Variants in PRDM10 observed in about 807,000 individuals in gnomAD.
PRDM10 encodes the protein PR/SET domain 10, also known as PR domain zinc finger protein 10.
PRDM10 carries 65 observed loss-of-function variants against 133.1 expected under a neutral mutation model. The ratio of observed to expected loss-of-function variants is 0.49; its 90% CI spans 0.40 to 0.60. The LOEUF (loss-of-function observed/expected upper bound fraction) is 0.60, where lower values mean the gene tolerates loss of function less well. PRDM10 is among the 20% of genes least tolerant of loss of function. PRDM10 has a pLI of 0.00. For missense variants in PRDM10, 1,137 were observed against 1,507.1 expected, an observed-to-expected ratio of 0.75 and a Z score of 4.07; for synonymous variants, 582 against 580.4, an observed-to-expected ratio of 1.00 and a Z score of -0.04.
intron 1 of PRDM10, among the ~76,000 whole-genome samples, chr11:129,962,187 C>T (rs1951809917): frequency 6.6e-6 from 1 of 152,138 alleles, no homozygotes; most frequent in Non-Finnish European, 1.5e-5. Context: ...CTTATTCCTT[C>T]CCAAAACAGG....
intron 1 of PRDM10, among the ~76,000 whole-genome samples, chr11:130,002,120 C>G (rs1044456204): frequency 6.6e-6 from 1 of 150,558 alleles, no homozygotes; most frequent in Admixed American, 6.6e-5. Flanking sequence ...GAGCCCTGCC[C>G]GCACTGCCAC....
At chr11:129,971,190 C>G (rs1370683714) in intron 1 of PRDM10, among the ~76,000 whole-genome samples, 1 of 152,134 alleles carries the variant, frequency 6.6e-6, no homozygotes, top group African/African-American at 2.4e-5. Flanking sequence ...CCAGAAAGAG[C>G]AGTAGCAAAA....
At position 129,923,293 on chromosome 11, in the gene PRDM10, C is replaced by T. The variant is rs1297988847; in HGVS notation, c.1989G>A (p.Ser663=). The T allele has an allele frequency of 1.1e-5, 17 of 1,600,052 alleles. No homozygotes were observed. The highest frequency in any genetic ancestry group is 2.2e-5 in the East Asian group (1 of 44,568). The change falls in exon 13 of 21, where the codon TCG becomes TCA. Residue 663 remains serine, a synonymous_variant. Transcript: ENST00000360871. The surrounding 1 kb of genome is among the most constrained non-coding windows in gnomAD (Gnocchi z 4.4). ...TGGAACACAGGAAGTCTTTGCGGTC[C>T]GAATGCCGGAGCATGTGGAGTCGCA... ...DKLRLHMLRH[S]DRKDFLCSTC...
Position 130,002,395 on chromosome 11 carries a change from G to T in PRDM10, c.-119+327C>A, listed in dbSNP as rs1285432500. On this transcript the variant is annotated intron_variant, in intron 1 of 20. Coordinates refer to ENST00000360871, the MANE Select transcript of PRDM10 (RefSeq NM_199437.2). ...CGCCGAGGCCGGCGCTGAACGCGGCGCCAGGAGGGCCTGCTGGAGGGGGCC... is the reference window on the plus strand; with the variant it reads ...CGCCGAGGCCGGCGCTGAACGCGGCTCCAGGAGGGCCTGCTGGAGGGGGCC... Among the ~76,000 whole-genome samples, 7 of 152,220 alleles carry T rather than the reference G, an allele frequency of 4.6e-5. No homozygotes were observed. The East Asian group carries it at 1.4e-3, about 30-fold the overall frequency.
intron 5 of PRDM10, among the ~76,000 whole-genome samples, chr11:129,946,255 T>G (rs954038422): frequency 6.8e-6 from 1 of 147,136 alleles, no homozygotes; most frequent in Non-Finnish European, 1.5e-5. Flanking sequence ...GTCTCAAAAT[T>G]AAAGAAAAAA....
rs750114740 is a variant in PRDM10, at chr11:129,913,219, CAA to C, written c.2842-996_2842-995del. On this transcript the variant is annotated intron_variant, in intron 17 of 20. Transcript: ENST00000360871. ...GGTGACAATAGTGAGACCCTGTCTC[CAA>C]AAAAAAAAAAAAAAAAAAACCAAAA... Among the ~76,000 whole-genome samples the C allele has an allele frequency of 9.8e-3, 773 of 78,860 alleles. 2 individuals are homozygous for C. The highest frequency in any genetic ancestry group is 0.032 in the African/African-American group (639 of 20,022). 51.7% of individuals were successfully genotyped at this position (78,860 alleles called of 152,430 possible).
chr11:129,910,360 A>G, intron 19 of PRDM10, 116 bp downstream of exon 19: 3 of 1,378,106 alleles, frequency 2.2e-6, no homozygotes, highest in Non-Finnish European at 3.0e-6. Flanking sequence ...ATTCATAGAG[A>G]GTGTAAACAA....
At chr11:129,981,534 G>T (rs1240866021) in intron 1 of PRDM10, among the ~76,000 whole-genome samples, 1 of 152,044 alleles carries the variant, frequency 6.6e-6, no homozygotes, top group African/African-American at 2.4e-5. Flanking sequence ...CACCTTTTCA[G>T]ACACTGAAAG....
chr11:129,914,832 T>C lies in PRDM10; in HGVS notation c.2713A>G (p.Thr905Ala), dbSNP rs1285573433. The change falls in exon 17 of 21, where the codon ACC becomes GCC. Residue 905 changes from threonine (T) to alanine (A), a missense_variant. Thr to Ala is a moderately conservative substitution (Grantham distance 58). Transcript: ENST00000360871. ...LTQAMTELSQ[T>A]LTTDYRTPQG... ...GGCGTTCGGTAGTCTGTCGTTAAGG[T>C]CTGGGACAGTTCTGTCATTGCTTGG... is the stretch of plus-strand genomic sequence containing the variant. 1 of 1,614,124 alleles carries C rather than the reference T, an allele frequency of 6.2e-7. No homozygotes were observed.
Position 129,933,821 on chromosome 11 carries a change from C to T in PRDM10, c.1157+1280G>A, listed in dbSNP as rs530038614. 2.6e-5 allele frequency among the ~76,000 whole-genome samples: 4 copies of T among 152,278 alleles called. No homozygotes were observed. In the South Asian group the frequency reaches 8.3e-4, roughly 32 times the overall value. ...TGTCCACCCCCTCCTTAGACATTTA[C>T]CCCTGTGGTCACATTCTAGACCCTG... On this transcript the variant is annotated intron_variant, in intron 9 of 20. Coordinates refer to ENST00000360871, the MANE Select transcript of PRDM10 (RefSeq NM_199437.2).
rs763375167 is a variant in PRDM10, at chr11:129,925,222, G to A, written c.1538C>T (p.Ala513Val). 1.2e-6 allele frequency: 2 copies of A among 1,605,356 alleles called. No individual in the cohort carries two copies. Among genetic ancestry groups the A allele is most frequent in the Admixed American group, 1.7e-5 (1 of 58,354 alleles). Residue 513 changes from alanine (A) to valine (V), a missense_variant, in exon 12 of 21, where the codon GCT (alanine) becomes GTT (valine). Ala to Val is a moderately conservative substitution (Grantham distance 64). Around this residue, in one of 6 missense-constraint regions of PRDM10, gnomAD observed 635 missense variants for 835.2 expected, o/e 0.76. Coordinates refer to ENST00000360871, the MANE Select transcript of PRDM10 (RefSeq NM_199437.2). ...CTTCCGAATAAACAGATGCTGAAGAGCTGCATTCTGAAAGACATACACAAA... is the reference window on the plus strand; with the variant it reads ...CTTCCGAATAAACAGATGCTGAAGAACTGCATTCTGAAAGACATACACAAA... ...MRRAKRIRNA[A>V]LQHLFIRKSF...
intron 1 of PRDM10, among the ~76,000 whole-genome samples, chr11:129,961,749 GCTATGTTCTAAA>G: frequency 6.6e-6 from 1 of 152,146 alleles, no homozygotes; most frequent in South Asian, 2.1e-4. Flanking sequence ...TTGCATGCTT[GCTATGTTCTAAA>G]CACTCACTGG....
At chr11:129,927,757 T>G (rs1783920) in intron 11 of PRDM10, among the ~76,000 whole-genome samples, 3,808 of 152,228 alleles carry the variant, frequency 0.025, 81 homozygotes, top group Non-Finnish European at 0.038. Flanking sequence ...AATGGGATGG[T>G]CATATTACAA....
At chr11:129,993,489 C>A (rs1268009266) in intron 1 of PRDM10, among the ~76,000 whole-genome samples, 2 of 151,912 alleles carry the variant, frequency 1.3e-5, no homozygotes, top group Non-Finnish European at 2.9e-5. Context: ...CAATATTACA[C>A]TATCTTTTTT....
At chr11:129,935,283 C>T in intron 8 of PRDM10, 65 bp from the exon 9 acceptor site, 1 of 1,159,096 alleles carries the variant, frequency 8.6e-7, no homozygotes. Context: ...ACTCAAAAGT[C>T]TGCGATCCCC....
intron 1 of PRDM10, among the ~76,000 whole-genome samples, chr11:129,993,098 A>G (rs114987009): frequency 1.2e-3 from 179 of 152,334 alleles, no homozygotes; most frequent in African/African-American, 3.2e-3. Flanking sequence ...CCAGCCATCT[A>G]TGAAAGTCCC....
chr11:129,972,705 T>C (rs1366128030), intron 1 of PRDM10, among the ~76,000 whole-genome samples: 5 of 152,204 alleles, frequency 3.3e-5, no homozygotes, highest in African/African-American at 1.2e-4. Flanking sequence ...CAACAAGAGA[T>C]TCCTGATTCT....
chr11:129,992,554 C>T (rs973811201), intron 1 of PRDM10, among the ~76,000 whole-genome samples: 4 of 152,144 alleles, frequency 2.6e-5, no homozygotes, highest in Non-Finnish European at 4.4e-5. Flanking sequence ...CTGTTGTAGC[C>T]GTGCTCTCCC....
At position 129,944,886 on chromosome 11, in the gene PRDM10, C is replaced by T. The variant is rs373904799; in HGVS notation, c.647G>A (p.Arg216Lys). ...CTTGGAGAACACCCCGCCCAGAAAC[C>T]TGTCTATGTAGAGCACCAGGGGGAG... is the stretch of plus-strand genomic sequence containing the variant. ...ASLPLVLYID[R>K]FLGGVFSKRR... The change falls in exon 6 of 21, where the codon AGG becomes AAG. Residue 216 changes from arginine (R) to lysine (K), a missense_variant. This residue lies in a region of PRDM10 where 635 missense variants were observed against 835.2 expected (regional missense o/e 0.76). Transcript: ENST00000360871. The T allele has an allele frequency of 4.3e-5, 70 of 1,614,022 alleles. No individual in the cohort carries two copies. Among genetic ancestry groups the T allele is most frequent in the Non-Finnish European group, 5.7e-5 (67 of 1,180,036 alleles).
Sources: gnomAD v4.1 joint callset for allele counts (sites outside exome capture counted in the v4.1 genomes callset) on GRCh38, gnomAD v4.1.1 for gene constraint, gnomAD v4.1.1 regional missense constraint, Gnocchi (gnomAD v3.1) non-coding constraint, MANE v1.5 for transcripts, NCBI Gene and HGNC (gene_info 2026-07-23, HGNC 2026-07-21) for gene names.